Variants in ZNF608 observed in about 807,000 individuals in gnomAD.
ZNF608 encodes the protein renal carcinoma antigen NY-REN-36.
Under a neutral mutation model 109.0 loss-of-function variants are expected in ZNF608, and 12 were observed. The ratio of observed to expected loss-of-function variants is 0.11; its 90% CI spans 0.07 to 0.18. The LOEUF (loss-of-function observed/expected upper bound fraction) is 0.18. Ranked by LOEUF, ZNF608 falls within the 10% of genes least tolerant of loss-of-function variation. The pLI, the probability that ZNF608 is intolerant of heterozygous loss-of-function variation, is 1.00. For missense variants in ZNF608, 1,707 were observed against 1,879.3 expected, an observed-to-expected ratio of 0.91 and a Z score of 1.70; for synonymous variants, 732 against 717.4, an observed-to-expected ratio of 1.02 and a Z score of -0.33.
At chr5:124,694,566 C>T (rs1045321438) in intron 3 of ZNF608, among the ~76,000 whole-genome samples, 1 of 151,974 alleles carries the variant, frequency 6.6e-6, no homozygotes, top group African/African-American at 2.4e-5. Flanking sequence ...AGGAACCATC[C>T]ACACCTTCTT....
chr5:124,710,436 G>A, intron 2 of ZNF608: 1 of 360,276 alleles, frequency 2.8e-6, no homozygotes, highest in Non-Finnish European at 5.4e-6. Context: ...GAGTCACACT[G>A]TATGGGAGCT....
intron 2 of ZNF608, among the ~76,000 whole-genome samples, chr5:124,711,697 C>A (rs888523743): frequency 6.6e-6 from 1 of 152,192 alleles, no homozygotes; most frequent in Non-Finnish European, 1.5e-5. Flanking sequence ...TGAGCAGTGG[C>A]CGCAGAGCCA....
intron 1 of ZNF608, chr5:124,745,979 A>C (rs1181311682): frequency 9.5e-6 from 2 of 210,676 alleles, no homozygotes; most frequent in Admixed American, 6.5e-5. Flanking sequence ...CACTCTCTTA[A>C]ATACGGTGCT....
chr5:124,745,232 C>A, intron 1 of ZNF608, 60 bp from the exon 2 acceptor site: 1 of 1,349,912 alleles, frequency 7.4e-7, no homozygotes, highest in Non-Finnish European at 9.5e-7. Context: ...GAATAAAAAA[C>A]GATTAGTATT....
intron 2 of ZNF608, among the ~76,000 whole-genome samples, chr5:124,715,150 A>C (rs545857141): frequency 6.6e-6 from 1 of 152,362 alleles, no homozygotes; most frequent in Admixed American, 6.5e-5. Flanking sequence ...TTCAAGAATT[A>C]AATGAAACAA....
At chr5:124,699,444 A>G (rs1752964914) in intron 3 of ZNF608, among the ~76,000 whole-genome samples, 1 of 152,224 alleles carries the variant, frequency 6.6e-6, no homozygotes. Flanking sequence ...ACCCAAATTA[A>G]AAGTACAAAA....
intron 3 of ZNF608, among the ~76,000 whole-genome samples, chr5:124,689,324 C>T (rs1335349539): frequency 6.6e-6 from 1 of 151,888 alleles, no homozygotes; most frequent in African/African-American, 2.4e-5. Flanking sequence ...TGGTACACAC[C>T]ACCTGTAGTC....
At chr5:124,728,952 C>T (rs991031583) in intron 2 of ZNF608, among the ~76,000 whole-genome samples, 2 of 152,186 alleles carry the variant, frequency 1.3e-5, no homozygotes, top group Non-Finnish European at 2.9e-5. Flanking sequence ...ACTATAGAAC[C>T]CTATTAGCCC....
chr5:124,723,022 T>C (rs930182859), intron 2 of ZNF608, among the ~76,000 whole-genome samples: 1 of 150,700 alleles, frequency 6.6e-6, no homozygotes, highest in African/African-American at 2.4e-5. Context: ...TAGGAGACTT[T>C]AAAAAAAAAA....
intron 3 of ZNF608, among the ~76,000 whole-genome samples, chr5:124,678,105 G>A (rs926579123): frequency 3.9e-5 from 6 of 152,110 alleles, no homozygotes; most frequent in South Asian, 2.1e-4. Flanking sequence ...AATGCTGCCC[G>A]TAAGTCAGCC....
chr5:124,729,508 A>T (rs952304726), intron 2 of ZNF608, among the ~76,000 whole-genome samples: 1 of 152,254 alleles, frequency 6.6e-6, no homozygotes, highest in Admixed American at 6.5e-5. Flanking sequence ...ACTTAAGAAC[A>T]GAACATAGTA....
intron 2 of ZNF608, among the ~76,000 whole-genome samples, chr5:124,718,004 A>G (rs1202303479): frequency 6.6e-6 from 1 of 152,174 alleles, no homozygotes; most frequent in Non-Finnish European, 1.5e-5. Flanking sequence ...GGCTCAACAC[A>G]TAACATGGCT....
chr5:124,691,887 G>A (rs1374020431), intron 3 of ZNF608, among the ~76,000 whole-genome samples: 1 of 151,882 alleles, frequency 6.6e-6, no homozygotes, highest in African/African-American at 2.4e-5. Flanking sequence ...GAGATCTGCA[G>A]TACAACACGG....
At chr5:124,704,329 C>T (rs1173085363) in intron 2 of ZNF608, among the ~76,000 whole-genome samples, 1 of 152,160 alleles carries the variant, frequency 6.6e-6, no homozygotes, top group Non-Finnish European at 1.5e-5. Flanking sequence ...TGGCTCAGAA[C>T]TGCCACTCCC....
In ZNF608 at chr5:124,639,207, G is replaced by A. The variant is rs1191453917; in HGVS notation, c.4458C>T (p.Thr1486=). The change falls in exon 9 of 10, where the codon ACC becomes ACT. Residue 1486 remains threonine, a synonymous_variant. Coordinates refer to ENST00000513986, the MANE Select transcript of ZNF608 (RefSeq NM_020747.3). ...PGQYDPFQGL[T]SAALVASQQV... ...GCTGAGAGGCAACAAGGGCAGCAGA[G>A]GTCAAGCCTAATGGGGAAAAAATGT... 11 of 1,614,194 alleles carry A rather than the reference G, an allele frequency of 6.8e-6. No homozygotes were observed. The highest frequency in any genetic ancestry group is 1.1e-5 in the South Asian group (1 of 91,084).
rs751211762 is a variant in ZNF608 at position 124,648,422 on chromosome 5, A to G, written c.1962T>C (p.Ala654=). 6.8e-6 allele frequency: 11 copies of G among 1,614,178 alleles called. No homozygotes were observed. Among genetic ancestry groups the G allele is most frequent in the Non-Finnish European group, 7.6e-6 (9 of 1,180,034 alleles). The change falls in exon 5 of 10, where the codon GCT becomes GCC. Residue 654 remains alanine (A), a synonymous_variant. Transcript: ENST00000513986. ...MSNGPGSIIG[A]KAGKNSGKKK... ...TTTTGCCAGAATTCTTCCCAGCTTTAGCACCAATAATGGAACCTGGGCCAT... is the reference window on the plus strand; with the variant it reads ...TTTTGCCAGAATTCTTCCCAGCTTTGGCACCAATAATGGAACCTGGGCCAT...
In ZNF608 at chr5:124,644,571, A is replaced by C. The variant is rs1310460740; in HGVS notation, c.3796T>G (p.Leu1266Val). 1 of 1,613,544 alleles carries C rather than the reference A, an allele frequency of 6.2e-7. No individual in the cohort carries two copies. The highest frequency in any genetic ancestry group is 1.7e-5 in the Admixed American group (1 of 59,960). ...GTTTTCCTCGGACTATCCTCTTTTA[A>C]TTTCTTCTCTCTATCAAGTTCTTCT... is the stretch of plus-strand genomic sequence containing the variant. ...KSEELDREKKLKEDSPRKTPN... is the reference protein window; with the variant it reads ...KSEELDREKKVKEDSPRKTPN... The change falls in exon 6 of 10, where the codon TTA becomes GTA. Residue 1266 changes from leucine (L) to valine (V), a missense_variant. By Grantham distance (32) the Leu-to-Val change is conservative. Around this residue, in one of 7 missense-constraint regions of ZNF608, gnomAD observed 1,073 missense variants for 1,133.5 expected, o/e 0.95. Coordinates refer to ENST00000513986, the MANE Select transcript of ZNF608 (RefSeq NM_020747.3).
At chr5:124,746,644 C>T, upstream of ZNF608, 1 of 985,236 alleles carries the variant, frequency 1.0e-6, no homozygotes, top group Non-Finnish European at 1.2e-6. Context: ...AGTAACGAGA[C>T]AGAATGTGCT....
intron 3 of ZNF608, among the ~76,000 whole-genome samples, chr5:124,656,788 A>G (rs2149798447): frequency 6.8e-6 from 1 of 146,132 alleles, no homozygotes; most frequent in Non-Finnish European, 1.5e-5. Context: ...AAATACACAG[A>G]ATAAGCCCTA....
Sources: allele counts gnomAD v4.1 joint callset (sites outside exome capture counted in the v4.1 genomes callset), GRCh38; gene constraint gnomAD v4.1.1; regional missense constraint gnomAD v4.1.1; transcripts MANE v1.5; gene names NCBI Gene and HGNC (gene_info 2026-07-23, HGNC 2026-07-21).